Variants in ZNF362 observed in about 807,000 individuals in gnomAD.
The protein encoded by ZNF362 is rotund homolog.
Under a neutral mutation model 42.9 loss-of-function variants are expected in ZNF362, and 11 were observed. The observed-to-expected ratio is 0.26, with a 90% CI of 0.16 to 0.42. The LOEUF (loss-of-function observed/expected upper bound fraction) is 0.42. ZNF362 is among the 20% of genes least tolerant of loss of function. The probability of loss-of-function intolerance (pLI) is 1.00; values close to 1 mark genes in which losing one functional copy is unlikely to be tolerated. For missense variants in ZNF362, 362 were observed against 576.2 expected (o/e 0.63, Z 3.81); for synonymous variants, 255 against 257.3 (o/e 0.99, Z 0.09).
chr1:33,168,371 G>A, the ZNF362 span, among the ~76,000 whole-genome samples: 1 of 141,908 alleles, frequency 7.0e-6, no homozygotes, highest in African/African-American at 2.6e-5. Flanking sequence ...CTAGGAAGCT[G>A]GCTGTCTGAG....
At chr1:33,269,961 AC>A (rs1645890144) in intron 1 of ZNF362, among the ~76,000 whole-genome samples, 2 of 152,038 alleles carry the variant, frequency 1.3e-5, no homozygotes, top group East Asian at 3.9e-4. Context: ...CCTCAGAGAC[AC>A]CCTTCTGGGA....
the ZNF362 span, among the ~76,000 whole-genome samples, chr1:33,233,540 A>C: frequency 6.6e-6 from 1 of 151,988 alleles, no homozygotes; most frequent in African/African-American, 2.4e-5. Flanking sequence ...AGTAGCTAGG[A>C]TTACAGGTCC....
intron 1 of ZNF362, among the ~76,000 whole-genome samples, chr1:33,264,014 C>T (rs1272700905): frequency 6.6e-6 from 1 of 152,158 alleles, no homozygotes; most frequent in Non-Finnish European, 1.5e-5. Context: ...CTGCTTGGGG[C>T]CTGCTCTGTC....
chr1:33,234,379 C>A, the ZNF362 span, among the ~76,000 whole-genome samples: 1 of 152,190 alleles, frequency 6.6e-6, no homozygotes, highest in Non-Finnish European at 1.5e-5. Flanking sequence ...TCCCCACCCA[C>A]GCCGTGTCAT....
the ZNF362 span, chr1:33,180,953 T>TGG: frequency 1.4e-6 from 1 of 724,330 alleles, no homozygotes; most frequent in Non-Finnish European, 2.0e-6. Flanking sequence ...GGTCCAGCCC[T>TGG]GACCCCACCC....
the ZNF362 span, chr1:33,159,907 G>A: frequency 8.1e-6 from 13 of 1,608,768 alleles, no homozygotes; most frequent in Non-Finnish European, 1.0e-5. This position sits in a 1 kb window ranked among gnomAD's most constrained non-coding sequence, Gnocchi z 4.2. Flanking sequence ...CCGCTCGAAG[G>A]CCTCGCCGAT....
the ZNF362 span, among the ~76,000 whole-genome samples, chr1:33,171,681 T>C: frequency 6.6e-6 from 1 of 152,186 alleles, no homozygotes; most frequent in Admixed American, 6.5e-5. Flanking sequence ...AGGATAAACA[T>C]GGAGGGCCTG....
At position 33,280,137 on chromosome 1, in the gene ZNF362, C is replaced by T. The variant is rs770133468; in HGVS notation, c.363C>T (p.Ser121=). ...CTGTCTTCGCAGGTCTGGGGCTGTC[C>T]ACCCGGACCCCGTCTGTGAGCACTT... ...ATSTVTGLGL[S]TRTPSVSTSE... is the part of the protein sequence containing the mutation. Residue 121 remains serine (S), a synonymous_variant, in exon 5 of 9, where the codon TCC becomes TCT. Transcript: ENST00000539719. The surrounding 1 kb of genome is among the most constrained non-coding windows in gnomAD (Gnocchi z 5.6). The T allele has an allele frequency of 4.4e-6, 7 of 1,577,194 alleles. No homozygotes were observed. Among genetic ancestry groups the T allele is most frequent in the African/African-American group, 2.7e-5 (2 of 74,556 alleles).
At chr1:33,284,390 C>T (rs749878881) in intron 6 of ZNF362, among the ~76,000 whole-genome samples, 9 of 152,148 alleles carry the variant, frequency 5.9e-5, no homozygotes, top group Non-Finnish European at 1.2e-4. Flanking sequence ...CCAATTATAT[C>T]CTGTTAGGAA....
chr1:33,288,188 C>G (rs1646045657), intron 6 of ZNF362, among the ~76,000 whole-genome samples: 1 of 152,264 alleles, frequency 6.6e-6, no homozygotes, highest in Admixed American at 6.5e-5. Flanking sequence ...GAGGCAGAGT[C>G]ACCTGCCCCA....
At chr1:33,257,890 G>C (rs770260567) in intron 1 of ZNF362, among the ~76,000 whole-genome samples, 4 of 152,066 alleles carry the variant, frequency 2.6e-5, no homozygotes, top group Admixed American at 2.6e-4. Flanking sequence ...GTGACCCTTG[G>C]ACCCTGAGGC....
At chr1:33,134,312 C>T in the ZNF362 span, among the ~76,000 whole-genome samples, 4 of 152,214 alleles carry the variant, frequency 2.6e-5, no homozygotes, top group South Asian at 2.1e-4. Flanking sequence ...CTGAGGCTAT[C>T]GTGGTGAAGT....
At chr1:33,132,838 G>GTGAT in the ZNF362 span, among the ~76,000 whole-genome samples, 1 of 152,260 alleles carries the variant, frequency 6.6e-6, no homozygotes, top group Admixed American at 6.5e-5. Context: ...ATCTTGGGTA[G>GTGAT]TGATGAGAAT....
the ZNF362 span, among the ~76,000 whole-genome samples, chr1:33,169,878 C>T: frequency 7.9e-5 from 12 of 152,158 alleles, no homozygotes; most frequent in African/African-American, 1.7e-4. Flanking sequence ...CTGAGCAGCT[C>T]GCAGGGCTCT....
chr1:33,250,852 G>GAAAGAAGGAAGAAGAAGAAGAA, the ZNF362 span, among the ~76,000 whole-genome samples: 1 of 137,482 alleles, frequency 7.3e-6, no homozygotes, highest in Non-Finnish European at 1.5e-5. Context: ...GAAGAAAGAA[G>GAAAGAAGGAAGAAGAAGAAGAA]GAAGAAGAAG....
At chr1:33,263,902 G>A (rs953874605) in intron 1 of ZNF362, among the ~76,000 whole-genome samples, 2 of 152,134 alleles carry the variant, frequency 1.3e-5, no homozygotes, top group Admixed American at 6.5e-5. Flanking sequence ...GCCTGTAGCC[G>A]GTCTTCCCTG....
the ZNF362 span, chr1:33,147,003 G>T: frequency 1.5e-6 from 1 of 647,772 alleles, no homozygotes. This position sits in a 1 kb window ranked among gnomAD's most constrained non-coding sequence, Gnocchi z 8.1. Context: ...CTGGAAGAGA[G>T]TTTAGGAAGT....
At position 33,280,216 on chromosome 1, in the gene ZNF362, C is replaced by T. The variant is rs748404073; in HGVS notation, c.442C>T (p.Pro148Ser). The T allele has an allele frequency of 2.5e-6, 4 of 1,613,812 alleles. No individual in the cohort carries two copies. The highest frequency in any genetic ancestry group is 3.4e-6 in the Non-Finnish European group (4 of 1,179,888). ...TGTGTSTPST[P>S]TTTSQSRLIA... ...CACGGGTACCAGCACCCCGTCCACA[C>T]CCACCACCACCAGCCAGAGCCGCCT... The change falls in exon 5 of 9, where the codon CCC (proline) becomes TCC (serine). Residue 148 changes from proline (P) to serine (S), a missense_variant. Around this residue, in one of 3 missense-constraint regions of ZNF362, gnomAD observed 266 missense variants for 365.4 expected, o/e 0.73. Coordinates refer to ENST00000539719, the MANE Select transcript of ZNF362 (RefSeq NM_152493.3). This position sits in a 1 kb window ranked among gnomAD's most constrained non-coding sequence, Gnocchi z 5.6.
At chr1:33,174,918 T>TATAC in the ZNF362 span, among the ~76,000 whole-genome samples, 1 of 137,382 alleles carries the variant, frequency 7.3e-6, no homozygotes, top group African/African-American at 2.9e-5. Context: ...TATATATATA[T>TATAC]ACACACACAC....
Sources: gnomAD v4.1 joint callset for allele counts (sites outside exome capture counted in the v4.1 genomes callset) on GRCh38, gnomAD v4.1.1 for gene constraint, gnomAD v4.1.1 regional missense constraint, Gnocchi (gnomAD v3.1) non-coding constraint, MANE v1.5 for transcripts, NCBI Gene and HGNC (gene_info 2026-07-23, HGNC 2026-07-21) for gene names.